HLA-DQB2: variants seen among roughly 807,000 people sequenced by gnomAD.
The protein encoded by HLA-DQB2 is HLA class II histocompatibility antigen, DQ beta 2 chain.
A neutral mutation model predicts 29.2 loss-of-function variants in HLA-DQB2; 24 were observed. That is an observed-to-expected ratio of 0.82 (90% CI 0.60 to 1.16). The LOEUF is 1.16. Among genes scored for constraint, HLA-DQB2 ranks in the 50% most tolerant of loss-of-function variants. The pLI is 0.00. For synonymous variants in HLA-DQB2, 104 were observed against 133.1 expected (o/e 0.78, Z 1.51); for missense variants, 273 against 343.6 (o/e 0.79, Z 1.62).
rs1427183906 is a variant in HLA-DQB2 at position 32,761,681 on chromosome 6, G to A, written c.343C>T (p.Arg115Cys). ...TCACCTTGCCGCTGCAAGGTCGTGC[G>A]CAGCTCCGCCTCGTAGTTGTGTCTG... ...VCRHNYEAEL[R>C]TTLQRQVEPT... Residue 115 changes from arginine to cysteine, a missense_variant, in exon 2 of 6, where the codon CGC (arginine) becomes TGC (cysteine). Arg to Cys is a radical substitution (Grantham distance 180, BLOSUM62 -3). Coordinates refer to ENST00000437316, the MANE Select transcript of HLA-DQB2 (RefSeq NM_001300790.2). The A allele has an allele frequency of 2.6e-6, 4 of 1,550,494 alleles. No individual in the cohort carries two copies. Among genetic ancestry groups the A allele is most frequent in the African/African-American group, 1.4e-5 (1 of 73,190 alleles).
chr6:32,761,524 A>G, intron 2 of HLA-DQB2, 136 bp downstream of exon 2: 1 of 1,020,486 alleles, frequency 9.8e-7, no homozygotes, highest in Non-Finnish European at 1.4e-6. Flanking sequence ...CCCAGCCTCC[A>G]AATCCCCGCC....
intron 2 of HLA-DQB2, among the ~76,000 whole-genome samples, chr6:32,760,545 TG>T (rs1318036143): frequency 5.3e-5 from 8 of 152,166 alleles, no homozygotes; most frequent in Non-Finnish European, 1.0e-4. Context: ...CTAAGGCAAT[TG>T]TCTAGAAATA....
chr6:32,763,433 G>A lies in HLA-DQB2; in HGVS notation c.38C>T (p.Ala13Val). The A allele has an allele frequency of 3.2e-6, 5 of 1,564,148 alleles. No homozygotes were observed. Among genetic ancestry groups the A allele is most frequent in the South Asian group, 1.2e-5 (1 of 84,962 alleles). The change falls in exon 1 of 6, where the codon GCT becomes GTT. Residue 13 changes from alanine (A) to valine (V), a missense_variant. Ala to Val is a moderately conservative substitution (Grantham distance 64, BLOSUM62 0). Transcript: ENST00000437316. Reference sequence around the variant, plus strand: ...CAGCATCACCAGCATCACGGTCACAGCTGCTGCCCAAAAGCCTCCAGGGAT... The same window carrying A: ...CAGCATCACCAGCATCACGGTCACAACTGCTGCCCAAAAGCCTCCAGGGAT... ...LQIPGGFWAAAVTVMLVMLST... is the reference protein window; with the variant it reads ...LQIPGGFWAAVVTVMLVMLST...
chr6:32,763,327 C>T (rs200981704), intron 1 of HLA-DQB2, 47 bp downstream of exon 1: 2 of 1,113,712 alleles, frequency 1.8e-6, no homozygotes, highest in African/African-American at 3.1e-5. Flanking sequence ...CCAAGGAGAG[C>T]CTGTTCCCAC....
chr6:32,762,071 G>A (rs1764894389), intron 1 of HLA-DQB2, 145 bp from the exon 2 acceptor site: 10 of 1,124,310 alleles, frequency 8.9e-6, no homozygotes, highest in East Asian at 5.2e-5. Flanking sequence ...GGCTGGGCCC[G>A]TGCCTCGTGC....
intron 3 of HLA-DQB2, among the ~76,000 whole-genome samples, 196 bp from the exon 4 acceptor site, chr6:32,758,079 T>C (rs1233146134): frequency 6.6e-6 from 1 of 152,140 alleles, no homozygotes; most frequent in African/African-American, 2.4e-5. Flanking sequence ...CAGGACTTCA[T>C]CCATAACCTT....
intron 5 of HLA-DQB2, 51 bp downstream of exon 5, chr6:32,757,230 C>A (rs1037121983): frequency 6.5e-7 from 1 of 1,549,596 alleles, no homozygotes; most frequent in African/African-American, 1.4e-5. Context: ...ATGGCTCTTC[C>A]CTCTTATGCC....
At chr6:32,758,751 A>T in intron 3 of HLA-DQB2, 99 bp downstream of exon 3, 1 of 1,378,256 alleles carries the variant, frequency 7.3e-7, no homozygotes, top group Non-Finnish European at 9.9e-7. Flanking sequence ...CCAGCTCAGT[A>T]GTGATGTCAG....
intron 1 of HLA-DQB2, 91 bp from the exon 2 acceptor site, chr6:32,762,017 C>A: frequency 6.6e-7 from 1 of 1,504,224 alleles, no homozygotes. Flanking sequence ...CTGCCCTGAC[C>A]CGGCCAGCAG....
chr6:32,756,286 C>T lies in HLA-DQB2; in HGVS notation c.*167G>A. On this transcript the variant is annotated 3_prime_UTR_variant, in exon 6 of 6. Coordinates refer to ENST00000437316, the MANE Select transcript of HLA-DQB2 (RefSeq NM_001300790.2). Reference sequence around the variant, plus strand: ...TCAGTGCAGGAAGCAGAGTCACCACCAGTGCCTTGGGATGGGGATCACAGA... The same window carrying T: ...TCAGTGCAGGAAGCAGAGTCACCACTAGTGCCTTGGGATGGGGATCACAGA... 1 of 649,558 alleles carries T rather than the reference C, an allele frequency of 1.5e-6. No homozygotes were observed. The highest frequency in any genetic ancestry group is 1.8e-5 in the African/African-American group (1 of 55,622). 40.2% of individuals were successfully genotyped at this position (649,558 alleles called of 1,614,324 possible).
In HLA-DQB2 at chr6:32,756,414, G is replaced by T; in HGVS notation, c.*39C>A. 8.0e-7 allele frequency: 1 copy of T among 1,243,530 alleles called. No homozygotes were observed. The highest frequency in any genetic ancestry group is 1.2e-6 in the Non-Finnish European group (1 of 855,028). 77.0% of individuals were successfully genotyped at this position (1,243,530 alleles called of 1,614,324 possible). ...TGGGCAGGGGCAGGTGGGCATTACA[G>T]AAGAGTGATGACCAATCCCAGACAA... is the stretch of plus-strand genomic sequence containing the variant. On this transcript the variant is annotated 3_prime_UTR_variant, in exon 6 of 6. Coordinates refer to ENST00000437316, the MANE Select transcript of HLA-DQB2 (RefSeq NM_001300790.2).
chr6:32,759,425 A>G (rs888130077), intron 2 of HLA-DQB2, among the ~76,000 whole-genome samples: 5 of 152,260 alleles, frequency 3.3e-5, no homozygotes, highest in African/African-American at 1.2e-4. Context: ...CAGGCCTTGA[A>G]AAAAACTAAC....
chr6:32,760,343 G>A (rs1362337841), intron 2 of HLA-DQB2, among the ~76,000 whole-genome samples: 6 of 146,488 alleles, frequency 4.1e-5, no homozygotes. Context: ...CCCTTAGGCT[G>A]TGTAGACGAG....
At chr6:32,758,543 T>C (rs935341761) in intron 3 of HLA-DQB2, among the ~76,000 whole-genome samples, 4 of 152,210 alleles carry the variant, frequency 2.6e-5, no homozygotes, top group African/African-American at 9.6e-5. Flanking sequence ...GGTATTTCTT[T>C]ATAGTGGAGT....
At chr6:32,757,122 T>G (rs1354616853) in intron 5 of HLA-DQB2, 159 bp downstream of exon 5, 4 of 1,446,488 alleles carry the variant, frequency 2.8e-6, no homozygotes, top group Non-Finnish European at 2.8e-6. Context: ...TGGGTTCAAG[T>G]GATTCTCTTG....
At chr6:32,763,220 A>G (rs1372864962) in intron 1 of HLA-DQB2, among the ~76,000 whole-genome samples, 154 bp downstream of exon 1, 2 of 152,204 alleles carry the variant, frequency 1.3e-5, no homozygotes, top group Admixed American at 1.3e-4. Flanking sequence ...TAAGGTGGAA[A>G]TAAAAATGCA....
intron 3 of HLA-DQB2, 113 bp downstream of exon 3, chr6:32,758,737 A>C: frequency 1.6e-6 from 2 of 1,277,952 alleles, no homozygotes; most frequent in Non-Finnish European, 2.1e-6. Flanking sequence ...GTCTCCTGTG[A>C]TTCCCAGCTC....
intron 2 of HLA-DQB2, among the ~76,000 whole-genome samples, chr6:32,761,176 C>G (rs1463146722): frequency 6.6e-6 from 1 of 152,206 alleles, no homozygotes; most frequent in Non-Finnish European, 1.5e-5. Flanking sequence ...ATGCCCTGCG[C>G]GCAGTTGTGG....
chr6:32,756,730 G>T lies in HLA-DQB2; in HGVS notation c.782-264C>A, dbSNP rs1237946938. The T allele has an allele frequency of 5.7e-5, 73 of 1,284,298 alleles. 1 individual carries two copies. Among genetic ancestry groups the T allele is most frequent in the Non-Finnish European group, 3.2e-5 (33 of 1,020,986 alleles). 79.6% of individuals were successfully genotyped at this position (1,284,298 alleles called of 1,614,324 possible). A position where few individuals can be genotyped will look rare whatever the true frequency, so the allele number is the denominator to read the frequency against. On this transcript the variant is annotated intron_variant, in intron 5 of 5. Coordinates refer to ENST00000437316, the MANE Select transcript of HLA-DQB2 (RefSeq NM_001300790.2). ...GAGTTTGATTTTTTTAGTAAATTGG[G>T]TGACACTTCATCTCCACCACTAGCA...
Sources: allele counts gnomAD v4.1 joint callset (sites outside exome capture counted in the v4.1 genomes callset), GRCh38; gene constraint gnomAD v4.1.1; transcripts MANE v1.5; gene names NCBI Gene and HGNC (gene_info 2026-07-23, HGNC 2026-07-21).